Variants in CNTN1 observed in about 807,000 individuals in gnomAD.
CNTN1 encodes contactin-1.
Under a neutral mutation model 126.4 loss-of-function variants are expected in CNTN1, and 38 were observed. The observed-to-expected ratio is 0.30, with a 90% CI of 0.23 to 0.39. CNTN1 has a LOEUF of 0.39. Among genes scored for constraint, CNTN1 ranks in the 10% least tolerant of loss-of-function variants. The pLI is 1.00. For synonymous variants in CNTN1, 413 were observed against 422.6 expected (o/e 0.98, Z 0.28); for missense variants, 1,009 against 1,248.4 (o/e 0.81, Z 2.89).
intron 21 of CNTN1, among the ~76,000 whole-genome samples, chr12:41,026,894 T>C (rs1949048721): frequency 6.6e-6 from 1 of 152,134 alleles, no homozygotes; most frequent in Non-Finnish European, 1.5e-5. Flanking sequence ...AGAGAATTGA[T>C]AGTGGCTAGC....
intron 1 of CNTN1, among the ~76,000 whole-genome samples, chr12:40,733,859 C>G (rs1156694257): frequency 3.9e-5 from 6 of 151,916 alleles, no homozygotes; most frequent in African/African-American, 1.4e-4. Context: ...GATTGCAGCT[C>G]CAGCAGTTAA....
chr12:41,066,090 G>A, intron 23 of CNTN1, among the ~76,000 whole-genome samples: 1 of 152,002 alleles, frequency 6.6e-6, no homozygotes. Flanking sequence ...ATATGGCCAG[G>A]GCCATTAATA....
intron 1 of CNTN1, among the ~76,000 whole-genome samples, chr12:40,842,694 G>A (rs545047570): frequency 6.6e-6 from 1 of 152,146 alleles, no homozygotes; most frequent in East Asian, 1.9e-4. Flanking sequence ...AATCTGCTTT[G>A]TTCATCTTTG....
chr12:40,803,398 C>A (rs1260143074), intron 1 of CNTN1, among the ~76,000 whole-genome samples: 1 of 151,970 alleles, frequency 6.6e-6, no homozygotes, highest in Non-Finnish European at 1.5e-5. Context: ...CATTCTTCCA[C>A]CCAAGCTTTA....
At chr12:41,018,628 A>G (rs1948835125) in intron 19 of CNTN1, among the ~76,000 whole-genome samples, 1 of 150,808 alleles carries the variant, frequency 6.6e-6, no homozygotes, top group Non-Finnish European at 1.5e-5. Flanking sequence ...ATATGTATAT[A>G]TTTAAAGTTA....
intron 3 of CNTN1, among the ~76,000 whole-genome samples, chr12:40,917,490 A>T (rs143427453): frequency 1.3e-3 from 199 of 152,274 alleles, no homozygotes; most frequent in African/African-American, 4.3e-3. Flanking sequence ...AAATGACATA[A>T]TGAAACTATT....
At chr12:40,722,502 A>G (rs1212698253) in intron 1 of CNTN1, among the ~76,000 whole-genome samples, 1 of 152,208 alleles carries the variant, frequency 6.6e-6, no homozygotes, top group African/African-American at 2.4e-5. Context: ...CATGTCTTCA[A>G]GCCACTTGTA....
At chr12:40,984,132 A>G (rs941707448) in intron 16 of CNTN1, among the ~76,000 whole-genome samples, 5 of 151,180 alleles carry the variant, frequency 3.3e-5, no homozygotes, top group African/African-American at 9.7e-5. Flanking sequence ...TATATATTAC[A>G]TCTCTATATG....
chr12:40,843,997 G>A (rs1288979043), intron 1 of CNTN1, among the ~76,000 whole-genome samples: 4 of 151,160 alleles, frequency 2.6e-5, no homozygotes, highest in African/African-American at 9.7e-5. Context: ...TTTTGCAGGA[G>A]TGCGTGAATG....
chr12:40,790,265 C>G (rs768896791), intron 1 of CNTN1, among the ~76,000 whole-genome samples: 4 of 152,072 alleles, frequency 2.6e-5, no homozygotes, highest in Non-Finnish European at 5.9e-5. Flanking sequence ...AAAGGCAACA[C>G]AGATGAACTT....
At chr12:40,732,795 C>T (rs147917575) in intron 1 of CNTN1, among the ~76,000 whole-genome samples, 1 of 152,142 alleles carries the variant, frequency 6.6e-6, no homozygotes, top group Admixed American at 6.6e-5. Context: ...AATTATTTCA[C>T]TAATATAAAA....
chr12:40,938,412 G>A (rs143946670), intron 11 of CNTN1, among the ~76,000 whole-genome samples: 37 of 152,292 alleles, frequency 2.4e-4, no homozygotes, highest in African/African-American at 8.2e-4. Context: ...GCATTTTGCA[G>A]GGTGTTTGCA....
At chr12:40,734,255 A>G (rs1753463284) in intron 1 of CNTN1, among the ~76,000 whole-genome samples, 1 of 152,166 alleles carries the variant, frequency 6.6e-6, no homozygotes, top group African/African-American at 2.4e-5. Flanking sequence ...CTGAGAACAT[A>G]TTCTGATTAA....
rs1566150114 is a variant in CNTN1, at chr12:41,016,776, C to T, written c.2279C>T (p.Thr760Ile). Residue 760 changes from threonine to isoleucine, a missense_variant, in exon 19 of 24, where the codon ACT becomes ATT. Physicochemically the swap from Thr to Ile is moderately conservative, Grantham distance 89. Coordinates refer to ENST00000551295, the MANE Select transcript of CNTN1 (RefSeq NM_001843.4). ...GAAGAATGGAAAAAAGTCACAGTTA[C>T]TAATCCTGATACTGGCCGATATGTC... ...DGEEWKKVTV[T>I]NPDTGRYVHK... The T allele has an allele frequency of 6.2e-7, 1 of 1,614,140 alleles. No homozygotes were observed. Among genetic ancestry groups the T allele is most frequent in the Non-Finnish European group, 8.5e-7 (1 of 1,179,994 alleles).
At chr12:40,736,586 A>G (rs1363281104) in intron 1 of CNTN1, among the ~76,000 whole-genome samples, 1 of 152,134 alleles carries the variant, frequency 6.6e-6, no homozygotes, top group Non-Finnish European at 1.5e-5. Flanking sequence ...ATAATAAAGC[A>G]TTATATATGA....
chr12:40,829,117 G>A (rs995796267), intron 1 of CNTN1, among the ~76,000 whole-genome samples: 4 of 151,982 alleles, frequency 2.6e-5, no homozygotes, highest in Admixed American at 2.6e-4. Flanking sequence ...AAAGTTTCTT[G>A]CTTAAATATC....
chr12:41,040,074 G>A (rs1949363647), intron 23 of CNTN1, among the ~76,000 whole-genome samples: 3 of 152,086 alleles, frequency 2.0e-5, no homozygotes, highest in African/African-American at 4.8e-5. Flanking sequence ...TTCTGCAGAT[G>A]TGTTAGGAAT....
intron 23 of CNTN1, among the ~76,000 whole-genome samples, chr12:41,067,800 A>G (rs1184196257): frequency 6.6e-6 from 1 of 152,064 alleles, no homozygotes; most frequent in Non-Finnish European, 1.5e-5. Context: ...GATCATTTAC[A>G]CTGGGTCAAA....
Position 40,939,558 on chromosome 12 carries a change from A to G in CNTN1, c.1379+73A>G, listed in dbSNP as rs114010541. 4,217 of 1,522,670 alleles carry G rather than the reference A, an allele frequency of 2.8e-3. 109 individuals are homozygous for G. The African/African-American group carries it at 0.052, about 19-fold the overall frequency. The allele number at this position is 1,522,670 out of a possible 1,614,324, so 94.3% of individuals were successfully genotyped here. On this transcript the variant is annotated intron_variant, in intron 12 of 23. Coordinates refer to ENST00000551295, the MANE Select transcript of CNTN1 (RefSeq NM_001843.4). ...TTTATTTTATAGAAGACTTGTTTAT[A>G]TGTTAATAATGAAAATGTTTTTTGC...
Sources: gnomAD v4.1 joint callset for allele counts (sites outside exome capture counted in the v4.1 genomes callset) on GRCh38, gnomAD v4.1.1 for gene constraint, MANE v1.5 for transcripts, NCBI Gene and HGNC (gene_info 2026-07-23, HGNC 2026-07-21) for gene names.